FRMD4B: variants seen among roughly 807,000 people sequenced by gnomAD.
The protein encoded by FRMD4B is FERM domain containing 4B.
In FRMD4B, 74 loss-of-function variants were observed where a neutral mutation model predicts 141.5. The observed-to-expected ratio is 0.52, with a 90% CI of 0.43 to 0.63. FRMD4B has a LOEUF of 0.63. Ranked by LOEUF, FRMD4B falls within the 30% of genes least tolerant of loss-of-function variation. The pLI, the probability that FRMD4B is intolerant of heterozygous loss-of-function variation, is 0.00. For synonymous variants in FRMD4B, 506 were observed against 467.9 expected, an observed-to-expected ratio of 1.08 and a Z score of -1.05; for missense variants, 1,366 against 1,253.4, an observed-to-expected ratio of 1.09 and a Z score of -1.36.
At chr3:69,379,717 G>T (rs115107390) in intron 1 of FRMD4B, among the ~76,000 whole-genome samples, 1 of 152,066 alleles carries the variant, frequency 6.6e-6, no homozygotes, top group Non-Finnish European at 1.5e-5. Context: ...TTTCTGTAAA[G>T]GGCTGGATAG....
intron 1 of FRMD4B, among the ~76,000 whole-genome samples, chr3:69,364,715 C>A (rs912855420): frequency 3.0e-4 from 46 of 152,108 alleles, no homozygotes; most frequent in African/African-American, 9.9e-4. Context: ...GAAATCTCAT[C>A]GAGACAATTC....
chr3:69,171,915 A>G lies in FRMD4B; in HGVS notation c.3051T>C (p.Ser1017=), dbSNP rs779870401. The G allele has an allele frequency of 1.2e-6, 2 of 1,612,712 alleles. No homozygotes were observed. Among genetic ancestry groups the G allele is most frequent in the Non-Finnish European group, 8.5e-7 (1 of 1,179,016 alleles). ...DGNQLEDNLE[S]SEQRLFWHED... Reference sequence around the variant, plus strand: ...CATGCCAAAAGAGTCTCTGCTCACTACTCTCCAGGTTGTCTTCCAGCTGGT... The same window carrying G: ...CATGCCAAAAGAGTCTCTGCTCACTGCTCTCCAGGTTGTCTTCCAGCTGGT... Residue 1017 remains serine (S), a synonymous_variant, in exon 23 of 23, where the codon AGT becomes AGC. Transcript: ENST00000398540.
intron 2 of FRMD4B, among the ~76,000 whole-genome samples, chr3:69,405,780 A>G (rs1704640534): frequency 1.3e-5 from 2 of 152,214 alleles, no homozygotes; most frequent in Non-Finnish European, 2.9e-5. Flanking sequence ...ATGAGCCATG[A>G]TGACCTGCTT....
chr3:69,350,178 C>A (rs1208635164), intron 1 of FRMD4B, among the ~76,000 whole-genome samples: 1 of 152,168 alleles, frequency 6.6e-6, no homozygotes, highest in Non-Finnish European at 1.5e-5. Context: ...TGAACAGACG[C>A]TTCTCAAAAG....
At chr3:69,506,691 AC>A (rs1389772482) in intron 1 of FRMD4B, among the ~76,000 whole-genome samples, 1 of 151,026 alleles carries the variant, frequency 6.6e-6, no homozygotes, top group Admixed American at 6.6e-5. Context: ...GGGCCACCAC[AC>A]CCAGCTACAG....
At chr3:69,345,560 A>G (rs1324490722) in intron 1 of FRMD4B, among the ~76,000 whole-genome samples, 1 of 152,230 alleles carries the variant, frequency 6.6e-6, no homozygotes, top group Non-Finnish European at 1.5e-5. Flanking sequence ...CTGACCCCCG[A>G]ATAGCCTAAC....
At chr3:69,290,480 G>A (rs1388873894) in intron 4 of FRMD4B, among the ~76,000 whole-genome samples, 2 of 152,174 alleles carry the variant, frequency 1.3e-5, no homozygotes, top group African/African-American at 4.8e-5. Context: ...GGGCTGAGAT[G>A]ACCCATGTTA....
In FRMD4B at chr3:69,195,145, T is replaced by A; in HGVS notation, c.1369-4A>T. ...TTGGCATTTTGCCTGTGAGCTCCTG[T>A]AAAACAGGACAGAATCAAGAGCAGA... On this transcript the variant is annotated splice_polypyrimidine_tract_variant and splice_region_variant and intron_variant, in intron 15 of 22. Coordinates refer to ENST00000398540, the MANE Select transcript of FRMD4B (RefSeq NM_015123.3). The A allele has an allele frequency of 6.2e-7, 1 of 1,613,952 alleles. No homozygotes were observed. The highest frequency in any genetic ancestry group is 2.2e-5 in the East Asian group (1 of 44,872).
chr3:69,456,076 C>CTA (rs1705605302), intron 1 of FRMD4B, among the ~76,000 whole-genome samples: 1 of 152,184 alleles, frequency 6.6e-6, no homozygotes, highest in East Asian at 1.9e-4. Context: ...CCGAGTATCT[C>CTA]TAAAGAACTT....
chr3:69,330,962 G>C (rs114221019), intron 1 of FRMD4B, among the ~76,000 whole-genome samples: 1 of 152,132 alleles, frequency 6.6e-6, no homozygotes, highest in Non-Finnish European at 1.5e-5. Flanking sequence ...ATGCTCTGTC[G>C]GCAAGTTTCT....
chr3:69,232,910 GTTTGT>G (rs869064524), intron 7 of FRMD4B, among the ~76,000 whole-genome samples: 14 of 101,714 alleles, frequency 1.4e-4, no homozygotes, highest in East Asian at 3.6e-4. Flanking sequence ...CACTTTTGTT[GTTTGT>G]TTTTTTTTTT....
chr3:69,176,073 C>A (rs2092642314), intron 22 of FRMD4B, among the ~76,000 whole-genome samples: 1 of 152,134 alleles, frequency 6.6e-6, no homozygotes, highest in East Asian at 1.9e-4. Flanking sequence ...AGCCACCGTG[C>A]CCGGCAGCAA....
At chr3:69,362,694 A>G (rs1315779193) in intron 1 of FRMD4B, among the ~76,000 whole-genome samples, 1 of 97,284 alleles carries the variant, frequency 1.0e-5, no homozygotes, top group Non-Finnish European at 2.0e-5. Context: ...CAACAACAAA[A>G]AGCCAACCCC....
At chr3:69,267,616 T>C in intron 5 of FRMD4B, among the ~76,000 whole-genome samples, 1 of 98,734 alleles carries the variant, frequency 1.0e-5, no homozygotes, top group South Asian at 3.7e-4. Flanking sequence ...TATATATATA[T>C]ATATATATAT....
At chr3:69,489,332 G>T (rs1000962285) in intron 1 of FRMD4B, among the ~76,000 whole-genome samples, 1 of 149,096 alleles carries the variant, frequency 6.7e-6, no homozygotes, top group Non-Finnish European at 1.5e-5. Flanking sequence ...ATATAAATGA[G>T]ATATATGTAT....
At position 69,200,545 on chromosome 3, in the gene FRMD4B, A is replaced by G. The variant is rs925628136; in HGVS notation, c.877-1771T>C. The G allele has an allele frequency of 3.8e-5, 42 of 1,110,338 alleles. No homozygotes were observed. In the Admixed American group the frequency reaches 7.2e-4, roughly 19 times the overall value. The allele number at this position is 1,110,338 out of a possible 1,614,324, so 68.8% of individuals were successfully genotyped here. ...TCATAAGACACTTAGGTGTAACTCAATTTCACAAACTGAGCCTCCCACGGC... is the reference window on the plus strand; with the variant it reads ...TCATAAGACACTTAGGTGTAACTCAGTTTCACAAACTGAGCCTCCCACGGC... On this transcript the variant is annotated intron_variant, in intron 11 of 22. Coordinates refer to ENST00000398540, the MANE Select transcript of FRMD4B (RefSeq NM_015123.3).
Position 69,530,992 on chromosome 3 carries a change from T to C in FRMD4B, c.-129+11214A>G, listed in dbSNP as rs915714153. Reference sequence around the variant, plus strand: ...CCCAAAGAGGGGCAGAGAGGAGAAATAGAAGAAGTATAACTGGCAACAGGC... The same window carrying C: ...CCCAAAGAGGGGCAGAGAGGAGAAACAGAAGAAGTATAACTGGCAACAGGC... On this transcript the variant is annotated intron_variant, in intron 1 of 5. Transcript: ENST00000459638. Among the ~76,000 whole-genome samples the C allele has an allele frequency of 6.6e-5, 10 of 151,986 alleles. No individual in the cohort carries two copies. The East Asian group carries it at 1.7e-3, about 26-fold the overall frequency.
At chr3:69,465,154 A>C (rs889113832) in intron 1 of FRMD4B, among the ~76,000 whole-genome samples, 13 of 152,054 alleles carry the variant, frequency 8.5e-5, no homozygotes, top group African/African-American at 2.9e-4. Context: ...CCCCGTCTCT[A>C]CTAAAAATGC....
At chr3:69,480,852 G>A (rs1000249245) in intron 1 of FRMD4B, among the ~76,000 whole-genome samples, 19 of 152,228 alleles carry the variant, frequency 1.2e-4, no homozygotes, top group African/African-American at 4.6e-4. Context: ...TTGAGCTGTG[G>A]TGGGCTCCAC....
Sources: gnomAD v4.1 joint callset for allele counts (sites outside exome capture counted in the v4.1 genomes callset) on GRCh38, gnomAD v4.1.1 for gene constraint, MANE v1.5 for transcripts, NCBI Gene and HGNC (gene_info 2026-07-23, HGNC 2026-07-21) for gene names.